The following MTHFD2 variants were observed in gnomAD, a reference collection of about 807,000 sequenced individuals.
MTHFD2 encodes methylenetetrahydrofolate dehydrogenase (NADP+ dependent) 2, methenyltetrahydrofolate cyclohydrolase.
In MTHFD2, 26 loss-of-function variants were observed where a neutral mutation model predicts 36.8. The ratio of observed to expected loss-of-function variants is 0.71; its 90% confidence interval spans 0.52 to 0.98. MTHFD2 has a LOEUF of 0.98. MTHFD2 is among the 50% of genes least tolerant of loss of function. MTHFD2 has a pLI of 0.00. For missense variants in MTHFD2, 373 were observed against 434.0 expected (o/e 0.86, Z 1.25); for synonymous variants, 164 against 155.2 (o/e 1.06, Z -0.42).
Position 74,208,720 on chromosome 2 carries a change from T to C in MTHFD2, c.561T>C (p.Thr187=), listed in dbSNP as rs1473308871. The C allele has an allele frequency of 6.2e-7, 1 of 1,613,844 alleles. No homozygotes were observed. Among genetic ancestry groups the C allele is most frequent in the Admixed American group, 1.7e-5 (1 of 59,962 alleles). Residue 187 remains threonine, a splice_region_variant and synonymous_variant, in exon 4 of 8, where the codon ACT becomes ACC. Transcript: ENST00000394053. ...GTGTGTGGGAAATAATCAAGCGAACTGGTAGGTATATCCCAGAATTGCATG... is the reference window on the plus strand; with the variant it reads ...GTGTGTGGGAAATAATCAAGCGAACCGGTAGGTATATCCCAGAATTGCATG... ...PWGVWEIIKR[T]GIPTLGKNVV...
chr2:74,209,442 G>A (rs1232187436), intron 4 of MTHFD2, among the ~76,000 whole-genome samples: 1 of 151,702 alleles, frequency 6.6e-6, no homozygotes, highest in Non-Finnish European at 1.5e-5. Flanking sequence ...TAGTACAGAC[G>A]GGGTTTCACC....
intron 3 of MTHFD2, 131 bp from the exon 4 acceptor site, chr2:74,208,438 C>T (rs190313533): frequency 9.6e-7 from 1 of 1,037,772 alleles, no homozygotes; most frequent in Admixed American, 2.3e-5. Context: ...GAGTTCCTTC[C>T]ATGCAGATGA....
At chr2:74,206,591 G>A (rs1287691996) in intron 2 of MTHFD2, 1 of 152,336 alleles carries the variant, frequency 6.6e-6, no homozygotes, top group African/African-American at 2.4e-5. Flanking sequence ...GCGTGGCTGG[G>A]TGGGGTTACT....
At chr2:74,209,593 C>T (rs563586915) in intron 4 of MTHFD2, among the ~76,000 whole-genome samples, 3 of 151,682 alleles carry the variant, frequency 2.0e-5, no homozygotes, top group Admixed American at 6.6e-5. Flanking sequence ...TCAGAGGTTT[C>T]ATCATGCTGC....
rs200039800 is a variant in MTHFD2 at position 74,205,831 on chromosome 2, C to T, written c.228C>T (p.Gly76=). 5.0e-6 allele frequency: 8 copies of T among 1,613,704 alleles called. No homozygotes were observed. The highest frequency in any genetic ancestry group is 1.3e-5 in the African/African-American group (1 of 74,906). The part of the protein sequence containing the change: ...KRPHLSVILV[G]ENPASHSYVL... ...CACACCTGAGTGTGATCCTGGTTGG[C>T]GAGAATCCTGCAAGTCACTCCTATG... The change falls in exon 2 of 8, where the codon GGC becomes GGT. Residue 76 remains glycine, a synonymous_variant. Transcript: ENST00000394053.
intron 7 of MTHFD2, 48 bp from the exon 8 acceptor site, chr2:74,214,029 CAT>C (rs772501512): frequency 2.1e-5 from 33 of 1,568,082 alleles, no homozygotes; most frequent in Non-Finnish European, 2.6e-5. Context: ...AAAGTACACA[CAT>C]GTCCTTTGCC....
chr2:74,206,652 C>T (rs899448117), intron 2 of MTHFD2: 3 of 152,174 alleles, frequency 2.0e-5, no homozygotes, highest in Admixed American at 1.3e-4. Flanking sequence ...GGAGTGAGGC[C>T]TCCTGCTCTT....
chr2:74,213,060 A>C (rs1484410518), intron 7 of MTHFD2, among the ~76,000 whole-genome samples: 4 of 151,684 alleles, frequency 2.6e-5, no homozygotes, highest in Non-Finnish European at 5.9e-5. Context: ...ATGAGCCACC[A>C]TGCCGGCTAA....
intron 2 of MTHFD2, among the ~76,000 whole-genome samples, chr2:74,207,479 G>T (rs1694210210): frequency 6.6e-6 from 1 of 152,158 alleles, no homozygotes; most frequent in Non-Finnish European, 1.5e-5. Context: ...TGTAAAATAA[G>T]GTTAATGAAG....
At position 74,211,905 on chromosome 2, in the gene MTHFD2, A is replaced by C. The variant is rs1381577931; in HGVS notation, c.889+39A>C. The C allele has an allele frequency of 2.6e-6, 4 of 1,559,742 alleles. No homozygotes were observed. The South Asian group carries it at 4.5e-5, about 18-fold the overall frequency. On this transcript the variant is annotated intron_variant, in intron 7 of 7. Coordinates refer to ENST00000394053, the MANE Select transcript of MTHFD2 (RefSeq NM_006636.4). Reference sequence around the variant, plus strand: ...TTTTATTTTTAAAAATGAAATCAATAAATACTACCTTTCATGGACATTTAG... The same window carrying C: ...TTTTATTTTTAAAAATGAAATCAATCAATACTACCTTTCATGGACATTTAG...
In MTHFD2 at chr2:74,217,499, T is replaced by G. The variant is rs1000277372; in HGVS notation, c.*3257T>G. On this transcript the variant is annotated 3_prime_UTR_variant, in exon 8 of 8. Transcript: ENST00000394053. ...AATGTGACCTTACCTCTGTCTAACCTGTATTGTTCACATGAATGGGAGTTT... is the reference window on the plus strand; with the variant it reads ...AATGTGACCTTACCTCTGTCTAACCGGTATTGTTCACATGAATGGGAGTTT... The G allele has an allele frequency of 1.3e-5, 2 of 152,212 alleles. 1 individual carries two copies. Among genetic ancestry groups the G allele is most frequent in the Non-Finnish European group, 2.9e-5 (2 of 68,046 alleles). 9.4% of individuals were successfully genotyped at this position (152,212 alleles called of 1,614,324 possible).
intron 1 of MTHFD2, among the ~76,000 whole-genome samples, chr2:74,204,750 C>G (rs149446678): frequency 4.7e-4 from 71 of 152,274 alleles, no homozygotes; most frequent in African/African-American, 1.7e-3. Context: ...CCTATTCTTA[C>G]CAGGAAAGTC....
intron 2 of MTHFD2, chr2:74,206,124 GCT>G (rs1251538457): frequency 5.2e-6 from 2 of 383,546 alleles, no homozygotes; most frequent in Non-Finnish European, 9.6e-6. Flanking sequence ...AAGAATATAA[GCT>G]ACATTCTGTT....
At position 74,198,711 on chromosome 2, in the gene MTHFD2, C is replaced by A. The variant is rs1372675237; in HGVS notation, c.70C>A (p.Arg24Ser). The A allele has an allele frequency of 6.2e-7, 1 of 1,611,198 alleles. No homozygotes were observed. The highest frequency in any genetic ancestry group is 1.1e-5 in the South Asian group (1 of 90,850). Residue 24 changes from arginine (R) to serine (S), a missense_variant, in exon 1 of 8, where the codon CGC (arginine) becomes AGC (serine). Transcript: ENST00000394053. Reference sequence around the variant, plus strand: ...GCAGCCCGCGCACAGCTGCTCCCTTCGCCTTCGCCCTTTCCACCTCGCGGC... The same window carrying A: ...GCAGCCCGCGCACAGCTGCTCCCTTAGCCTTCGCCCTTTCCACCTCGCGGC... ...LLQPAHSCSLRLRPFHLAAVR... is the reference protein window; with the variant it reads ...LLQPAHSCSLSLRPFHLAAVR...
At chr2:74,198,826 G>T (rs1290853582) in intron 1 of MTHFD2, 84 bp downstream of exon 1, 3 of 1,269,312 alleles carry the variant, frequency 2.4e-6, no homozygotes, top group South Asian at 1.4e-5. Flanking sequence ...GAGGGACACC[G>T]AGGGAAGTCC....
In MTHFD2 at chr2:74,214,098, G is replaced by C. The variant is rs763695295; in HGVS notation, c.909G>C (p.Gly303=). 3.1e-6 allele frequency: 5 copies of C among 1,613,966 alleles called. No homozygotes were observed. The Admixed American group carries it at 6.7e-5, about 22-fold the overall frequency. The part of the protein sequence containing the change: ...VDFEGVRQKA[G]YITPVPGGVG... Reference sequence around the variant, plus strand: ...ATGTAGGAGTCAGACAAAAAGCTGGGTATATCACTCCAGTTCCTGGAGGTG... The same window carrying C: ...ATGTAGGAGTCAGACAAAAAGCTGGCTATATCACTCCAGTTCCTGGAGGTG... The change falls in exon 8 of 8, where the codon GGG becomes GGC. Residue 303 remains glycine, a synonymous_variant. Coordinates refer to ENST00000394053, the MANE Select transcript of MTHFD2 (RefSeq NM_006636.4).
rs191594179 is a variant in MTHFD2, at chr2:74,203,099, C to T, written c.102-2606C>T. On this transcript the variant is annotated intron_variant, in intron 1 of 7. Coordinates refer to ENST00000394053, the MANE Select transcript of MTHFD2 (RefSeq NM_006636.4). Reference sequence around the variant, plus strand: ...CACTGCAACCTATGCCTCCTGGGTTCGAGATATTCTCCTACCTCAGCTCCC... The same window carrying T: ...CACTGCAACCTATGCCTCCTGGGTTTGAGATATTCTCCTACCTCAGCTCCC... Among the ~76,000 whole-genome samples the T allele has an allele frequency of 3.3e-5, 5 of 152,040 alleles. No homozygotes were observed. The East Asian group carries it at 7.7e-4, about 24-fold the overall frequency.
chr2:74,211,635 A>C (rs1694305524), intron 6 of MTHFD2, 106 bp from the exon 7 acceptor site: 1 of 1,108,318 alleles, frequency 9.0e-7, no homozygotes, highest in Non-Finnish European at 1.2e-6. Context: ...TTTTAATAAA[A>C]CATGTTGATT....
At chr2:74,208,811 A>G in intron 4 of MTHFD2, 90 bp downstream of exon 4, 1 of 1,326,050 alleles carries the variant, frequency 7.5e-7, no homozygotes, top group Non-Finnish European at 1.1e-6. Context: ...CAAAGAGTGG[A>G]AACCCTACTG....
Sources: gnomAD v4.1 joint callset for allele counts (sites outside exome capture counted in the v4.1 genomes callset) on GRCh38, gnomAD v4.1.1 for gene constraint, MANE v1.5 for transcripts, NCBI Gene and HGNC (gene_info 2026-07-23, HGNC 2026-07-21) for gene names.